TTLL11: variants seen among roughly 807,000 people sequenced by gnomAD.
TTLL11 encodes the protein tubulin tyrosine ligase like 11.
In TTLL11, 42 loss-of-function variants were observed where a neutral mutation model predicts 51.7. The ratio of observed to expected loss-of-function variants is 0.81; its 90% CI spans 0.64 to 1.05. The LOEUF (loss-of-function observed/expected upper bound fraction) is 1.05, where lower values mean the gene tolerates loss of function less well. TTLL11 is among the 50% of genes least tolerant of loss of function. The probability of loss-of-function intolerance (pLI) is 0.00; values close to 1 mark genes in which losing one functional copy is unlikely to be tolerated. For missense variants in TTLL11, 799 were observed against 940.4 expected, an observed-to-expected ratio of 0.85 and a Z score of 1.97; for synonymous variants, 381 against 383.5, an observed-to-expected ratio of 0.99 and a Z score of 0.08.
intron 6 of TTLL11, among the ~76,000 whole-genome samples, chr9:121,875,979 C>A (rs766914866): frequency 2.6e-5 from 4 of 152,216 alleles, no homozygotes; most frequent in Non-Finnish European, 5.9e-5. Flanking sequence ...CAAGGGCCTA[C>A]TACATGTCTA....
intron 1 of TTLL11, among the ~76,000 whole-genome samples, chr9:122,065,372 C>T (rs761012017): frequency 3.9e-5 from 6 of 152,128 alleles, no homozygotes; most frequent in Non-Finnish European, 7.4e-5. Flanking sequence ...AAATGCTGCC[C>T]CTCCTTTCTT....
intron 6 of TTLL11, among the ~76,000 whole-genome samples, chr9:121,958,403 C>T (rs1356411880): frequency 1.3e-5 from 2 of 152,164 alleles, no homozygotes; most frequent in African/African-American, 4.8e-5. Flanking sequence ...CCCATATAAC[C>T]ACCTTCAAGT....
chr9:122,027,500 G>A (rs1238136494), intron 3 of TTLL11, among the ~76,000 whole-genome samples: 4 of 152,126 alleles, frequency 2.6e-5, no homozygotes, highest in African/African-American at 7.2e-5. Flanking sequence ...CAGGCAAAAT[G>A]CAAATAAAGA....
chr9:122,038,776 A>C (rs1260576842), intron 2 of TTLL11, among the ~76,000 whole-genome samples: 1 of 152,186 alleles, frequency 6.6e-6, no homozygotes, highest in Non-Finnish European at 1.5e-5. Flanking sequence ...TTGCAGGATA[A>C]GTCTTGCTGA....
chr9:122,070,262 G>T (rs1032305227), intron 1 of TTLL11, among the ~76,000 whole-genome samples: 3 of 152,136 alleles, frequency 2.0e-5, no homozygotes, highest in Non-Finnish European at 4.4e-5. Context: ...GGGAGTCAGG[G>T]TAACAAAAGT....
intron 6 of TTLL11, among the ~76,000 whole-genome samples, chr9:121,942,946 A>G (rs536693762): frequency 6.6e-6 from 1 of 152,144 alleles, no homozygotes; most frequent in African/African-American, 2.4e-5. Context: ...CGCTGTTCCC[A>G]CGCCCTTTCA....
intron 8 of TTLL11, among the ~76,000 whole-genome samples, chr9:121,849,234 A>C (rs1837598968): frequency 6.6e-6 from 1 of 152,248 alleles, no homozygotes; most frequent in Non-Finnish European, 1.5e-5. Flanking sequence ...CACAGAACTT[A>C]CACCTTTCAC....
intron 8 of TTLL11, among the ~76,000 whole-genome samples, chr9:121,841,849 T>G (rs1035201911): frequency 6.6e-6 from 1 of 151,914 alleles, no homozygotes; most frequent in Non-Finnish European, 1.5e-5. Context: ...GTATGACAAC[T>G]AAAAATGTCT....
chr9:121,895,973 T>TGGGTGTGTGGGTGTGG (rs1564293506), intron 6 of TTLL11, among the ~76,000 whole-genome samples: 3 of 73,152 alleles, frequency 4.1e-5, no homozygotes, highest in Non-Finnish European at 9.0e-5. Flanking sequence ...GGTGTGGGTG[T>TGGGTGTGTGGGTGTGG]GTGTCTGTGG....
intron 6 of TTLL11, among the ~76,000 whole-genome samples, chr9:121,973,309 A>C (rs554914066): frequency 4.6e-5 from 7 of 152,338 alleles, no homozygotes; most frequent in Non-Finnish European, 4.4e-5. Context: ...AAAAGTTTAT[A>C]CTGCAAGAGT....
intron 1 of TTLL11, among the ~76,000 whole-genome samples, chr9:122,068,898 C>T (rs978412970): frequency 1.3e-5 from 2 of 152,168 alleles, no homozygotes; most frequent in East Asian, 3.9e-4. Flanking sequence ...TGTGCTCCTT[C>T]ATGCTCTGTC....
intron 8 of TTLL11, among the ~76,000 whole-genome samples, chr9:121,835,325 C>T (rs1306152457): frequency 6.6e-6 from 1 of 152,100 alleles, no homozygotes; most frequent in Non-Finnish European, 1.5e-5. Context: ...GAGACCCAAG[C>T]ACCTGCCCAA....
rs1462210276 is a variant in TTLL11, at chr9:121,826,173, T to TATATATATATAA, written c.1841-3295_1841-3294insTTATATATATAT. 1.9e-4 allele frequency among the ~76,000 whole-genome samples: 13 copies of TATATATATATAA among 69,664 alleles called. 1 individual carries two copies. The highest frequency in any genetic ancestry group is 5.7e-4 in the African/African-American group (11 of 19,188). The allele number at this position is 69,664 out of a possible 152,430, so 45.7% of individuals were successfully genotyped here. A position where few individuals can be genotyped will look rare whatever the true frequency, so the allele number is the denominator to read the frequency against. On this transcript the variant is annotated intron_variant, in intron 8 of 8. Transcript: ENST00000321582. ...AGTAGAATATATATATATATATATA[T>TATATATATATAA]AACCAGTAACCTATATATATATATA...
chr9:122,044,400 T>C (rs1280169148), intron 1 of TTLL11, among the ~76,000 whole-genome samples: 1 of 152,152 alleles, frequency 6.6e-6, no homozygotes, highest in Non-Finnish European at 1.5e-5. Flanking sequence ...GGTCAAATGG[T>C]ATTTCTAGTT....
intron 8 of TTLL11, among the ~76,000 whole-genome samples, chr9:121,843,094 T>G (rs1203804852): frequency 2.6e-5 from 4 of 151,970 alleles, no homozygotes; most frequent in Non-Finnish European, 5.9e-5. Context: ...CCCAGCACTA[T>G]GGGGGCCGAG....
intron 1 of TTLL11, among the ~76,000 whole-genome samples, chr9:122,077,896 T>C (rs182062935): frequency 1.3e-3 from 195 of 147,770 alleles, no homozygotes; most frequent in African/African-American, 4.3e-3. Flanking sequence ...CTAACCACAA[T>C]GAAATTAAGT....
At chr9:122,015,843 C>A (rs1843956782) in intron 3 of TTLL11, among the ~76,000 whole-genome samples, 1 of 150,644 alleles carries the variant, frequency 6.6e-6, no homozygotes, top group Non-Finnish European at 1.5e-5. Flanking sequence ...TAAACCACAG[C>A]ATATGTATAT....
chr9:122,057,631 A>C (rs1456927297), intron 1 of TTLL11, among the ~76,000 whole-genome samples: 1 of 152,182 alleles, frequency 6.6e-6, no homozygotes, highest in East Asian at 1.9e-4. Context: ...CGCCAATCAT[A>C]TCCACTTTTA....
At chr9:121,997,031 G>C (rs1181560571) in intron 3 of TTLL11, among the ~76,000 whole-genome samples, 1 of 152,170 alleles carries the variant, frequency 6.6e-6, no homozygotes, top group Non-Finnish European at 1.5e-5. Flanking sequence ...GCTCAAGGCA[G>C]CTGGTGCTTC....
Sources: gnomAD v4.1 joint callset for allele counts (sites outside exome capture counted in the v4.1 genomes callset) on GRCh38, gnomAD v4.1.1 for gene constraint, MANE v1.5 for transcripts, NCBI Gene and HGNC (gene_info 2026-07-23, HGNC 2026-07-21) for gene names.